The following OPCML variants were observed in gnomAD, a reference collection of about 807,000 sequenced individuals.
OPCML encodes opioid binding protein/cell adhesion molecule like.
A neutral mutation model predicts 37.8 loss-of-function variants in OPCML; 13 were observed. That is an observed-to-expected ratio of 0.34 (90% CI 0.22 to 0.55). OPCML has a LOEUF of 0.55. OPCML is among the 20% of genes least tolerant of loss of function. The pLI, the probability that OPCML is intolerant of heterozygous loss-of-function variation, is 0.91. For synonymous variants in OPCML, 176 were observed against 168.8 expected (o/e 1.04, Z -0.33); for missense variants, 341 against 435.6 (o/e 0.78, Z 1.93).
intron 1 of OPCML, among the ~76,000 whole-genome samples, chr11:133,034,571 T>C (rs1947740918): frequency 6.6e-6 from 1 of 152,194 alleles, no homozygotes; most frequent in Non-Finnish European, 1.5e-5. Context: ...TCTGTGACCT[T>C]GGTCAAATTG....
chr11:133,180,510 C>A (rs1284631370), intron 1 of OPCML, among the ~76,000 whole-genome samples: 3 of 152,130 alleles, frequency 2.0e-5, no homozygotes, highest in Admixed American at 6.5e-5. Flanking sequence ...GCAAGAGGGG[C>A]AAGAGGATCT....
chr11:133,166,616 G>A (rs1361092029), intron 1 of OPCML, among the ~76,000 whole-genome samples: 1 of 152,196 alleles, frequency 6.6e-6, no homozygotes, highest in African/African-American at 2.4e-5. Flanking sequence ...TGTTTGAGTT[G>A]CCTGCATAGG....
At chr11:133,241,065 C>T (rs771763377) in intron 1 of OPCML, among the ~76,000 whole-genome samples, 1 of 152,138 alleles carries the variant, frequency 6.6e-6, no homozygotes, top group Non-Finnish European at 1.5e-5. Flanking sequence ...CTCTTTCTCT[C>T]GATGAATAAA....
At chr11:132,781,716 T>C (rs547387658) in intron 2 of OPCML, among the ~76,000 whole-genome samples, 28 of 151,858 alleles carry the variant, frequency 1.8e-4, no homozygotes, top group African/African-American at 6.5e-4. Context: ...TGATTATTTC[T>C]TCAGAACATA....
At chr11:133,339,450 G>T (rs1308592575) in intron 1 of OPCML, among the ~76,000 whole-genome samples, 3 of 152,178 alleles carry the variant, frequency 2.0e-5, no homozygotes, top group Admixed American at 6.6e-5. Context: ...AGGGAGGGCT[G>T]CCCACTGTTT....
At chr11:133,354,559 C>T (rs1944239286) in intron 1 of OPCML, among the ~76,000 whole-genome samples, 1 of 151,980 alleles carries the variant, frequency 6.6e-6, no homozygotes, top group Non-Finnish European at 1.5e-5. Context: ...TTTTGTTAAC[C>T]AACAGATTAT....
At chr11:132,567,960 C>T (rs1002143973) in intron 3 of OPCML, among the ~76,000 whole-genome samples, 4 of 151,896 alleles carry the variant, frequency 2.6e-5, no homozygotes, top group East Asian at 1.9e-4. Context: ...TTAGGAAGTG[C>T]GGGTGTGAGA....
chr11:133,393,272 T>C (rs962202761), intron 1 of OPCML, among the ~76,000 whole-genome samples: 10 of 152,194 alleles, frequency 6.6e-5, no homozygotes, highest in Non-Finnish European at 1.2e-4. Context: ...TAAATGGAAA[T>C]ACACATAAAA....
At chr11:132,524,927 T>C (rs1048727569) in intron 4 of OPCML, among the ~76,000 whole-genome samples, 20 of 152,108 alleles carry the variant, frequency 1.3e-4, no homozygotes, top group African/African-American at 3.9e-4. Context: ...TTCAAAGGGG[T>C]TCCCCAGAAA....
At chr11:132,750,026 G>T (rs1159665751) in intron 2 of OPCML, among the ~76,000 whole-genome samples, 2 of 152,058 alleles carry the variant, frequency 1.3e-5, no homozygotes, top group Non-Finnish European at 2.9e-5. Context: ...GGGATTACAG[G>T]TGCCTGCCAC....
At chr11:133,262,881 C>G (rs1169293106) in intron 1 of OPCML, among the ~76,000 whole-genome samples, 4 of 151,824 alleles carry the variant, frequency 2.6e-5, no homozygotes, top group Non-Finnish European at 5.9e-5. Context: ...GACACTCACT[C>G]TACTACCAGT....
chr11:132,592,442 G>A (rs1041106691), intron 3 of OPCML, among the ~76,000 whole-genome samples: 3 of 152,214 alleles, frequency 2.0e-5, no homozygotes, highest in Non-Finnish European at 4.4e-5. Flanking sequence ...ACCATAATAG[G>A]TTGAGAGACA....
At chr11:133,526,247 CTGTGGGCCTCCTGCCATGTG>C (rs1331154367) in intron 1 of OPCML, among the ~76,000 whole-genome samples, 3 of 152,194 alleles carry the variant, frequency 2.0e-5, no homozygotes, top group African/African-American at 7.2e-5. Context: ...CACAGGCAGC[CTGTGGGCCTCCTGCCATGTG>C]TGCCCACAGG....
At chr11:133,138,754 C>T (rs1056435453) in intron 1 of OPCML, among the ~76,000 whole-genome samples, 3 of 152,240 alleles carry the variant, frequency 2.0e-5, no homozygotes, top group East Asian at 1.9e-4. Flanking sequence ...CGTCTTAGAG[C>T]GAACCCTCTC....
At chr11:132,793,397 G>A (rs1159467668) in intron 2 of OPCML, among the ~76,000 whole-genome samples, 1 of 152,130 alleles carries the variant, frequency 6.6e-6, no homozygotes, top group Non-Finnish European at 1.5e-5. Context: ...ATATTTAAAT[G>A]GCTTCCTCAC....
intron 1 of OPCML, chr11:133,026,233 T>C (rs952579189): frequency 2.5e-5 from 16 of 645,598 alleles, no homozygotes; most frequent in African/African-American, 4.0e-5. Flanking sequence ...AGAAGTCAGT[T>C]ACAGAGTTCC....
intron 1 of OPCML, among the ~76,000 whole-genome samples, chr11:133,072,281 C>T (rs1948551047): frequency 6.6e-6 from 1 of 152,148 alleles, no homozygotes; most frequent in Non-Finnish European, 1.5e-5. Flanking sequence ...TGAATTATAT[C>T]TCAATTTAAA....
chr11:132,815,379 G>C (rs1023082474), intron 2 of OPCML, among the ~76,000 whole-genome samples: 1 of 152,162 alleles, frequency 6.6e-6, no homozygotes, highest in African/African-American at 2.4e-5. Context: ...ATGGGAAGGG[G>C]CTACACAAAC....
At chr11:132,922,153 T>C (rs1355454406) in intron 2 of OPCML, among the ~76,000 whole-genome samples, 2 of 152,116 alleles carry the variant, frequency 1.3e-5, no homozygotes, top group Admixed American at 6.5e-5. Flanking sequence ...GCTGGAATTA[T>C]AGATGTGAGC....
Sources: gnomAD v4.1 joint callset for allele counts (sites outside exome capture counted in the v4.1 genomes callset) on GRCh38, gnomAD v4.1.1 for gene constraint, MANE v1.5 for transcripts, NCBI Gene and HGNC (gene_info 2026-07-23, HGNC 2026-07-21) for gene names.